Variants in RSRP1 observed in about 807,000 individuals in gnomAD.
The protein encoded by RSRP1 is arginine and serine rich protein 1, also known as arginine/serine-rich protein 1.
Under a neutral mutation model 33.0 loss-of-function variants are expected in RSRP1, and 37 were observed. That is an observed-to-expected ratio of 1.12 (90% CI 0.86 to 1.48). The LOEUF (loss-of-function observed/expected upper bound fraction) is 1.48. Among genes scored for constraint, RSRP1 ranks in the 40% most tolerant of loss-of-function variants. RSRP1 has a pLI of 0.00. For missense variants in RSRP1, 402 were observed against 385.3 expected, an observed-to-expected ratio of 1.04 and a Z score of -0.36; for synonymous variants, 167 against 158.7, an observed-to-expected ratio of 1.05 and a Z score of -0.40.
chr1:25,300,873 C>A lies in RSRP1; in HGVS notation c.-67+37105G>T, dbSNP rs939875558. On this transcript the variant is annotated intron_variant, in intron 1 of 1. Coordinates refer to the RSRP1 transcript ENST00000561867. ...CCTCCTAAGTGAAGCTCTGAACTTT[C>A]TCCAAGGACTATCAGGGCTTGCCCC... 4 of 1,341,754 alleles carry A rather than the reference C, an allele frequency of 3.0e-6. 1 individual carries two copies. The highest frequency in any genetic ancestry group is 2.1e-6 in the Non-Finnish European group (2 of 950,236). The allele number at this position is 1,341,754 out of a possible 1,614,324, so 83.1% of individuals were successfully genotyped here.
At chr1:25,252,143 A>T (rs1284113918), upstream of RSRP1, among the ~76,000 whole-genome samples, 2 of 151,418 alleles carry the variant, frequency 1.3e-5, no homozygotes, top group Non-Finnish European at 2.9e-5. Context: ...GGTTCACTGC[A>T]ACCTCCCTCT....
chr1:25,249,010 A>G (rs1272347120), upstream of RSRP1, among the ~76,000 whole-genome samples: 1 of 152,112 alleles, frequency 6.6e-6, no homozygotes, highest in Non-Finnish European at 1.5e-5. Context: ...TTAGCTTGAC[A>G]TGGTGGCGGG....
At chr1:25,311,959 C>G (rs1279536131) in intron 1 of RSRP1, among the ~76,000 whole-genome samples, 1 of 128,932 alleles carries the variant, frequency 7.8e-6, no homozygotes, top group Non-Finnish European at 1.8e-5. Flanking sequence ...AGTGGAGCTA[C>G]AAGGGTGGGG....
chr1:25,306,983 G>A, intron 1 of RSRP1: 1 of 437,562 alleles, frequency 2.3e-6, no homozygotes, highest in Non-Finnish European at 4.7e-6. Context: ...AATCTTTTGT[G>A]ATCCCACAAA....
intron 1 of RSRP1, among the ~76,000 whole-genome samples, chr1:25,275,215 A>C (rs1640855650): frequency 7.6e-6 from 1 of 131,958 alleles, no homozygotes; most frequent in African/African-American, 2.6e-5. Context: ...GCTTGAACCC[A>C]GGAGGCAGAG....
At chr1:25,253,283 A>G (rs1557494946) in intron 1 of RSRP1, 1 of 152,228 alleles carries the variant, frequency 6.6e-6, no homozygotes, top group Non-Finnish European at 1.5e-5. Flanking sequence ...AAGAGAAATC[A>G]CATAGATCTA....
chr1:25,257,628 T>G (rs1279833091), intron 1 of RSRP1, among the ~76,000 whole-genome samples: 4 of 139,644 alleles, frequency 2.9e-5, no homozygotes, highest in South Asian at 2.3e-4. Context: ...TGAGTCAGAG[T>G]CTCGCCCTGT....
rs1178099564 is a variant in RSRP1 at position 25,315,164 on chromosome 1, T to A, written c.-67+22814A>T. 4.7e-5 allele frequency among the ~76,000 whole-genome samples: 6 copies of A among 128,176 alleles called. 1 individual carries two copies. The highest frequency in any genetic ancestry group is 7.3e-5 in the Non-Finnish European group (4 of 54,778). The allele number at this position is 128,176 out of a possible 152,430, so 84.1% of individuals were successfully genotyped here. On this transcript the variant is annotated intron_variant, in intron 1 of 1. Coordinates refer to the RSRP1 transcript ENST00000561867. Reference sequence around the variant, plus strand: ...AGCAAGACTCCATCTCAAAAAAAAATTTTTTTTGCAAGGTCATGCATATGT... The same window carrying A: ...AGCAAGACTCCATCTCAAAAAAAAAATTTTTTTGCAAGGTCATGCATATGT...
rs760163269 is a variant in RSRP1, at chr1:25,246,951, C to A, written c.13G>T (p.Val5Leu). ...GGCGAGCCCGGCCACATGTCGTTCA[C>A]GTAGTTGGACATCTTCACCTGCGGC... MSNYVNDMWPGSPQE... is the reference protein window; with the variant it reads MSNYLNDMWPGSPQE... The change falls in exon 2 of 5, where the codon GTG becomes TTG. Residue 5 changes from valine to leucine, a missense_variant. Transcript: ENST00000243189. 80 of 1,577,412 alleles carry A rather than the reference C, an allele frequency of 5.1e-5. No individual in the cohort carries two copies. Among genetic ancestry groups the A allele is most frequent in the Non-Finnish European group, 6.4e-5 (74 of 1,158,006 alleles).
At position 25,301,731 on chromosome 1, in the gene RSRP1, C is replaced by G. The variant is rs761825287; in HGVS notation, c.-67+36247G>C. The G allele has an allele frequency of 1.4e-5, 18 of 1,291,462 alleles. 3 individuals carry two copies. The South Asian group carries it at 2.2e-4, about 15-fold the overall frequency. 80.0% of individuals were successfully genotyped at this position (1,291,462 alleles called of 1,614,324 possible). Reference sequence around the variant, plus strand: ...TGGGCAGCACTTGGGTCTAACAGGACTAGCACACATATTTATGCCCCTCCC... The same window carrying G: ...TGGGCAGCACTTGGGTCTAACAGGAGTAGCACACATATTTATGCCCCTCCC... On this transcript the variant is annotated intron_variant, in intron 1 of 1. Coordinates refer to the RSRP1 transcript ENST00000561867.
chr1:25,295,849 AATTTTTTTTT>A (rs1292267320), intron 1 of RSRP1, among the ~76,000 whole-genome samples: 1 of 33,728 alleles, frequency 3.0e-5, no homozygotes, highest in Non-Finnish European at 1.1e-4. Context: ...GAATATGGGA[AATTTTTTTTT>A]TTTTTTTTTT....
At chr1:25,256,072 T>C (rs988574509) in intron 1 of RSRP1, among the ~76,000 whole-genome samples, 2 of 152,246 alleles carry the variant, frequency 1.3e-5, no homozygotes, top group South Asian at 4.1e-4. Context: ...CTCTGAACGT[T>C]GTTCCCATGT....
chr1:25,309,178 T>C (rs150952004), intron 1 of RSRP1, among the ~76,000 whole-genome samples: 1,737 of 132,214 alleles, frequency 0.013, 281 homozygotes, highest in African/African-American at 0.042. Flanking sequence ...GCATATGTGA[T>C]TGAGTCAGAT....
chr1:25,270,498 G>T (rs1368966753), intron 1 of RSRP1, among the ~76,000 whole-genome samples: 1 of 131,608 alleles, frequency 7.6e-6, no homozygotes, highest in African/African-American at 2.6e-5. Context: ...CTCCTTAGGA[G>T]AATCTAACTA....
At chr1:25,249,418 A>C (rs950486139), upstream of RSRP1, among the ~76,000 whole-genome samples, 2 of 152,118 alleles carry the variant, frequency 1.3e-5, no homozygotes, top group Non-Finnish European at 2.9e-5. Context: ...GGCTCACTGC[A>C]ACCTCTGCGT....
In RSRP1 at chr1:25,303,479, A is replaced by T. The variant is rs1419516633; in HGVS notation, c.-67+34499T>A. 24 of 1,376,380 alleles carry T rather than the reference A, an allele frequency of 1.7e-5. 5 individuals carry two copies. The highest frequency in any genetic ancestry group is 2.5e-5 in the Non-Finnish European group (24 of 977,682). The allele number at this position is 1,376,380 out of a possible 1,614,324, so 85.3% of individuals were successfully genotyped here. On this transcript the variant is annotated intron_variant, in intron 1 of 1. Transcript: ENST00000561867. ...CTGCCGGTAAGAAACTAGACAACTA[A>T]CCTCCTCTGCTTTGGCTGAAGGCCA...
chr1:25,276,532 T>TAAAAAAAAAAAAAAAAAAAAAAAAAAA (rs557746335), intron 1 of RSRP1, among the ~76,000 whole-genome samples: 10 of 64,784 alleles, frequency 1.5e-4, no homozygotes, highest in African/African-American at 7.2e-4. Context: ...CCCCCATCTC[T>TAAAAAAAAAAAAAAAAAAAAAAAAAAA]AAAAAAAAAA....
intron 1 of RSRP1, among the ~76,000 whole-genome samples, chr1:25,293,596 T>G (rs1199030083): frequency 7.6e-6 from 1 of 131,164 alleles, no homozygotes; most frequent in African/African-American, 2.6e-5. Flanking sequence ...TCAGAAGCAC[T>G]CCAAGCGTTT....
At chr1:25,243,698 A>G in intron 3 of RSRP1, 65 bp from the exon 4 acceptor site, 1 of 1,586,334 alleles carries the variant, frequency 6.3e-7, no homozygotes, top group Non-Finnish European at 8.6e-7. Context: ...TCCTATATTA[A>G]AAAATAGCCT....
Sources: gnomAD v4.1 joint callset for allele counts (sites outside exome capture counted in the v4.1 genomes callset) on GRCh38, gnomAD v4.1.1 for gene constraint, MANE v1.5 for transcripts, NCBI Gene and HGNC (gene_info 2026-07-23, HGNC 2026-07-21) for gene names.